The following GBP4 variants were observed in gnomAD, a reference collection of about 807,000 sequenced individuals.
GBP4 encodes the protein guanylate-binding protein 4.
GBP4 carries 69 observed loss-of-function variants against 62.2 expected under a neutral mutation model. The ratio of observed to expected loss-of-function variants is 1.11; its 90% CI spans 0.91 to 1.36. The LOEUF (loss-of-function observed/expected upper bound fraction) is 1.36, where lower values mean the gene tolerates loss of function less well. Ranked by LOEUF, GBP4 falls within the 40% of genes most tolerant of loss-of-function variation. The pLI is 0.00. For synonymous variants in GBP4, 278 were observed against 274.6 expected (o/e 1.01, Z -0.12); for missense variants, 697 against 759.3 (o/e 0.92, Z 0.96).
At chr1:89,188,492 A>G (rs1306429019) in intron 8 of GBP4, 90 bp downstream of exon 8, 1 of 1,021,902 alleles carries the variant, frequency 9.8e-7, no homozygotes, top group African/African-American at 1.6e-5. Context: ...CCTCTCCACA[A>G]ATGGTGCTAT....
intron 2 of GBP4, among the ~76,000 whole-genome samples, chr1:89,195,890 A>G (rs1570378246): frequency 1.3e-5 from 2 of 152,356 alleles, no homozygotes; most frequent in East Asian, 3.9e-4. Flanking sequence ...AGTGAAATAA[A>G]TGGCATGCAA....
chr1:89,193,124 T>C (rs1570376505), intron 4 of GBP4, 24 bp from the exon 5 acceptor site: 1 of 1,609,516 alleles, frequency 6.2e-7, no homozygotes, highest in East Asian at 2.2e-5. Flanking sequence ...TAAGGAAGGA[T>C]AGCACCCTAC....
In GBP4 at chr1:89,193,000, T is replaced by TA. The variant is rs1557475537; in HGVS notation, c.573dup (p.Ile192TyrfsTer22). 6.2e-7 allele frequency: 1 copy of TA among 1,614,120 alleles called. No homozygotes were observed. The highest frequency in any genetic ancestry group is 2.2e-5 in the East Asian group (1 of 44,882). On this transcript the variant is annotated frameshift_variant, in exon 5 of 11. Transcript: ENST00000355754. LOFTEE classifies it high-confidence loss of function. ...AGGGTAAAATCCCGAACAGTCCAAA[T>TA]AAAGTCTGGAAAGAAACTCGCAAAC...
At chr1:89,190,002 A>G (rs1648136505) in intron 7 of GBP4, 36 bp downstream of exon 7, 1 of 1,571,214 alleles carries the variant, frequency 6.4e-7, no homozygotes, top group African/African-American at 1.4e-5. Flanking sequence ...TCATTTCGGA[A>G]GGGCAGAAAT....
At position 89,183,801 on chromosome 1, in the gene GBP4, G is replaced by A. The variant is rs1178284324; in HGVS notation, c.*1453C>T. On this transcript the variant is annotated 3_prime_UTR_variant, in exon 11 of 11. Transcript: ENST00000355754. ...GGGTTGAGGTGAAAGGACTGCTTGA[G>A]CCTGGGAGGTTGAGGCTACAATGAC... 1.3e-5 allele frequency: 2 copies of A among 152,214 alleles called. No homozygotes were observed. Among genetic ancestry groups the A allele is most frequent in the Non-Finnish European group, 2.9e-5 (2 of 68,074 alleles). 9.4% of individuals were successfully genotyped at this position (152,214 alleles called of 1,614,324 possible).
At chr1:89,191,848 C>A (rs915961011) in intron 5 of GBP4, among the ~76,000 whole-genome samples, 1 of 152,304 alleles carries the variant, frequency 6.6e-6, no homozygotes, top group East Asian at 1.9e-4. Context: ...GTCAGAAATA[C>A]TTTCTGATAT....
At position 89,181,867 on chromosome 1, in the gene GBP4, C is replaced by G. The variant is rs1415551840; in HGVS notation, c.*3387G>C. 1 of 151,784 alleles carries G rather than the reference C, an allele frequency of 6.6e-6. No homozygotes were observed. The highest frequency in any genetic ancestry group is 1.5e-5 in the Non-Finnish European group (1 of 67,962). The allele number at this position is 151,784 out of a possible 1,614,324, so 9.4% of individuals were successfully genotyped here. On this transcript the variant is annotated 3_prime_UTR_variant, in exon 11 of 11. Coordinates refer to ENST00000355754, the MANE Select transcript of GBP4 (RefSeq NM_052941.5). Reference sequence around the variant, plus strand: ...AAAATGTGGCGTTAATAACATTAAGCCAAGAGCCAAATCAGGAATGCAATC... The same window carrying G: ...AAAATGTGGCGTTAATAACATTAAGGCAAGAGCCAAATCAGGAATGCAATC...
In GBP4 at chr1:89,193,688, C is replaced by A. The variant is rs1008229571; in HGVS notation, c.364-276G>T. Among the ~76,000 whole-genome samples, 70 of 152,124 alleles carry A rather than the reference C, an allele frequency of 4.6e-4. 3 individuals carry two copies. ...TAATAGGTGCCAAGTAATCAGCGTG[C>A]AATTATTCCATTGCAATTTTGTTCT... On this transcript the variant is annotated intron_variant, in intron 3 of 10. Transcript: ENST00000355754.
chr1:89,191,546 C>G (rs577077937), intron 5 of GBP4, 40 bp from the exon 6 acceptor site: 4 of 1,594,842 alleles, frequency 2.5e-6, no homozygotes, highest in African/African-American at 2.7e-5. Context: ...GAAGAGACAG[C>G]CTGCAGGCAA....
intron 1 of GBP4, among the ~76,000 whole-genome samples, chr1:89,197,883 C>G (rs1648389338): frequency 6.6e-6 from 1 of 152,014 alleles, no homozygotes; most frequent in Non-Finnish European, 1.5e-5. Flanking sequence ...CAGCGAGTTA[C>G]AGAGAAACGC....
rs760907512 is a variant in GBP4 at position 89,195,405 on chromosome 1, C to T, written c.255G>A (p.Thr85=). ...GKRNGFPLGS[T]VQSETKGIWM... ...AGATGCCCTTAGTTTCAGACTGCAC[C>T]GTGGAGCCCAGAGGGAAGCCTGCAG... Residue 85 remains threonine (T), a synonymous_variant, in exon 3 of 11, where the codon ACG becomes ACA. Coordinates refer to ENST00000355754, the MANE Select transcript of GBP4 (RefSeq NM_052941.5). 57 of 1,613,710 alleles carry T rather than the reference C, an allele frequency of 3.5e-5. No individual in the cohort carries two copies. The highest frequency in any genetic ancestry group is 6.7e-5 in the Admixed American group (4 of 59,980).
chr1:89,192,794 C>T, intron 5 of GBP4, 110 bp downstream of exon 5: 1 of 1,007,630 alleles, frequency 9.9e-7, no homozygotes, highest in Non-Finnish European at 1.4e-6. Context: ...GAGCATGGGC[C>T]TCAAATCAAT....
intron 3 of GBP4, among the ~76,000 whole-genome samples, chr1:89,194,994 A>G (rs893707460): frequency 1.3e-5 from 2 of 152,190 alleles, no homozygotes; most frequent in African/African-American, 4.8e-5. Flanking sequence ...CTTCACAACT[A>G]GGCTCTTGGC....
chr1:89,197,039 T>C, intron 2 of GBP4, 71 bp downstream of exon 2: 1 of 1,339,668 alleles, frequency 7.5e-7, no homozygotes. Flanking sequence ...AGGATGACCC[T>C]AGAGGGGGTG....
intron 9 of GBP4, 88 bp downstream of exon 9, chr1:89,186,909 CCTT>C (rs1405009049): frequency 3.8e-5 from 45 of 1,186,800 alleles, no homozygotes; most frequent in African/African-American, 4.5e-5. Flanking sequence ...TTTTGAAGCT[CCTT>C]TTAACTGGAA....
In GBP4 at chr1:89,185,404, A is replaced by G. The variant is rs761441227; in HGVS notation, c.1773T>C (p.Asn591=). ...KKSEQLNKEI[N]QLKEKIESTK... Reference sequence around the variant, plus strand: ...TGCTTTCAATTTTTTCTTTCAGTTGATTAATCTCTTTATTTAACTGCTCAG... The same window carrying G: ...TGCTTTCAATTTTTTCTTTCAGTTGGTTAATCTCTTTATTTAACTGCTCAG... Residue 591 remains asparagine, a synonymous_variant, in exon 11 of 11, where the codon AAT becomes AAC. Transcript: ENST00000355754. The G allele has an allele frequency of 3.8e-6, 6 of 1,587,570 alleles. No homozygotes were observed. The highest frequency in any genetic ancestry group is 5.2e-6 in the Non-Finnish European group (6 of 1,156,002).
chr1:89,187,294 G>GCAGCCTCCCTCCTGCCTGTC lies in GBP4; in HGVS notation c.1411-212_1411-193dup, dbSNP rs534736583. Among the ~76,000 whole-genome samples the GCAGCCTCCCTCCTGCCTGTC allele has an allele frequency of 3.3e-4, 50 of 152,174 alleles. 3 individuals are homozygous for GCAGCCTCCCTCCTGCCTGTC. Among genetic ancestry groups the GCAGCCTCCCTCCTGCCTGTC allele is most frequent in the Admixed American group, 7.9e-4 (12 of 15,278 alleles). On this transcript the variant is annotated intron_variant, in intron 8 of 10. Transcript: ENST00000355754. ...TGTTAAGTCATAAAAACCCTGTGCA[G>GCAGCCTCCCTCCTGCCTGTC]CAGCCTCCCTCCTGCCTGTCCAGCC...
chr1:89,183,201 A>G lies in GBP4; in HGVS notation c.*2053T>C, dbSNP rs1443314744. 1 of 152,228 alleles carries G rather than the reference A, an allele frequency of 6.6e-6. No homozygotes were observed. The highest frequency in any genetic ancestry group is 1.5e-5 in the Non-Finnish European group (1 of 68,046). The allele number at this position is 152,228 out of a possible 1,614,324, so 9.4% of individuals were successfully genotyped here. On this transcript the variant is annotated 3_prime_UTR_variant, in exon 11 of 11. Coordinates refer to ENST00000355754, the MANE Select transcript of GBP4 (RefSeq NM_052941.5). ...CAGCATGGTATTAGTAGAAAAACAG[A>G]CACACAGATAAATGGAACATAACAG... is the stretch of plus-strand genomic sequence containing the variant.
Position 89,193,247 on chromosome 1 carries a change from C to A in GBP4, c.473+56G>T, listed in dbSNP as rs1648237316. ...AGTCACAGCAAAGAAGACACAGTAT[C>A]AATTCCCATTCCCCTAAACCCCATA... On this transcript the variant is annotated intron_variant, in intron 4 of 10. Coordinates refer to ENST00000355754, the MANE Select transcript of GBP4 (RefSeq NM_052941.5). The A allele has an allele frequency of 4.5e-6, 7 of 1,562,642 alleles. No individual in the cohort carries two copies. The Admixed American group carries it at 1.0e-4, about 23-fold the overall frequency.
Sources: allele counts gnomAD v4.1 joint callset (sites outside exome capture counted in the v4.1 genomes callset), GRCh38; gene constraint gnomAD v4.1.1; transcripts MANE v1.5; gene names NCBI Gene and HGNC (gene_info 2026-07-23, HGNC 2026-07-21).